The following LRRC3B variants were observed in gnomAD, a reference collection of about 807,000 sequenced individuals.
The protein encoded by LRRC3B is leucine rich repeat containing 3B.
LRRC3B carries 2 observed loss-of-function variants against 12.8 expected under a neutral mutation model. The ratio of observed to expected loss-of-function variants is 0.16; its 90% confidence interval spans 0.06 to 0.49. The LOEUF (loss-of-function observed/expected upper bound fraction) is 0.49, where lower values mean the gene tolerates loss of function less well. Ranked by LOEUF, LRRC3B falls within the 20% of genes least tolerant of loss-of-function variation. LRRC3B has a pLI of 0.96. For synonymous variants in LRRC3B, 132 were observed against 122.0 expected, an observed-to-expected ratio of 1.08 and a Z score of -0.54; for missense variants, 189 against 319.4, an observed-to-expected ratio of 0.59 and a Z score of 3.11.
At chr3:26,633,464 T>C (rs556355273) in intron 1 of LRRC3B, among the ~76,000 whole-genome samples, 9 of 152,298 alleles carry the variant, frequency 5.9e-5, no homozygotes, top group African/African-American at 1.9e-4. Context: ...CAAAATATTA[T>C]TGATTGCTTA....
intron 1 of LRRC3B, among the ~76,000 whole-genome samples, chr3:26,628,683 C>T (rs1698684736): frequency 6.6e-6 from 1 of 151,646 alleles, no homozygotes; most frequent in Non-Finnish European, 1.5e-5. Flanking sequence ...ATTAATACAT[C>T]TCAACATGAT....
intron 1 of LRRC3B, chr3:26,701,273 C>T (rs972408093): frequency 6.6e-6 from 1 of 152,080 alleles, no homozygotes; most frequent in African/African-American, 2.4e-5. Flanking sequence ...CTCTTCTCTG[C>T]CTTCCATTCC....
intron 1 of LRRC3B, among the ~76,000 whole-genome samples, chr3:26,684,922 A>G (rs1700042724): frequency 6.6e-6 from 1 of 151,596 alleles, no homozygotes; most frequent in African/African-American, 2.4e-5. Context: ...GCTTGCAGTC[A>G]CTCAAACACA....
rs1698718255 is a variant in LRRC3B, at chr3:26,629,939, G to A, written c.-161+6702G>A. 2.7e-5 allele frequency among the ~76,000 whole-genome samples: 4 copies of A among 147,816 alleles called. No individual in the cohort carries two copies. In the South Asian group the frequency reaches 8.5e-4, roughly 32 times the overall value. On this transcript the variant is annotated intron_variant, in intron 1 of 1. Coordinates refer to ENST00000396641, the Ensembl canonical transcript of LRRC3B. ...GCAGAGAAAGGTGGGAAAGGTGGGG[G>A]CAGGAGAGAAAGAGGTGTAAGAGAA...
chr3:26,678,478 A>T (rs1198251599), intron 1 of LRRC3B, among the ~76,000 whole-genome samples: 4 of 149,348 alleles, frequency 2.7e-5, no homozygotes, highest in Non-Finnish European at 4.4e-5. Context: ...TGGGTAACAG[A>T]TTGAGACCCT....
intron 1 of LRRC3B, among the ~76,000 whole-genome samples, chr3:26,707,122 C>CAGGT (rs1700612104): frequency 6.7e-6 from 1 of 150,118 alleles, no homozygotes; most frequent in Admixed American, 6.7e-5. Context: ...GGAGGCGAGG[C>CAGGT]AGGTAGATCA....
At chr3:26,685,802 G>A (rs1700076302) in intron 1 of LRRC3B, among the ~76,000 whole-genome samples, 1 of 151,748 alleles carries the variant, frequency 6.6e-6, no homozygotes, top group African/African-American at 2.4e-5. Context: ...TTCAGACTTG[G>A]GGTTTAAATA....
chr3:26,642,943 G>A (rs1699061734), intron 1 of LRRC3B, among the ~76,000 whole-genome samples: 1 of 150,226 alleles, frequency 6.7e-6, no homozygotes, highest in Non-Finnish European at 1.5e-5. Flanking sequence ...CCTGAACCCA[G>A]GAGGCAGAGG....
chr3:26,655,752 G>T (rs142834574), intron 1 of LRRC3B, among the ~76,000 whole-genome samples: 1 of 152,246 alleles, frequency 6.6e-6, no homozygotes, highest in East Asian at 1.9e-4. Context: ...TGACAGAAAT[G>T]CTCAGTAGTA....
chr3:26,710,077 C>G (rs750339961), exon 2 of LRRC3B: 30 of 1,613,990 alleles, frequency 1.9e-5, no homozygotes, highest in Non-Finnish European at 2.4e-5. Flanking sequence ...CCTTCAATAA[C>G]CTGAAGGCCA....
intron 1 of LRRC3B, among the ~76,000 whole-genome samples, chr3:26,637,390 G>A (rs79431804): frequency 0.034 from 5,195 of 152,194 alleles, 167 homozygotes; most frequent in East Asian, 0.13. Flanking sequence ...CAAATTCACC[G>A]TCAACTTCTA....
chr3:26,685,515 CTCTCTCTCTATATATATATA>C (rs1387708666), intron 1 of LRRC3B, among the ~76,000 whole-genome samples: 108 of 53,778 alleles, frequency 2.0e-3, no homozygotes, highest in African/African-American at 4.7e-3. Flanking sequence ...CTCTCTCTCT[CTCTCTCTCTATATATATATA>C]TATATATATA....
intron 1 of LRRC3B, among the ~76,000 whole-genome samples, chr3:26,626,426 G>A (rs1412987343): frequency 1.3e-5 from 2 of 152,072 alleles, no homozygotes; most frequent in African/African-American, 2.4e-5. Context: ...GAGCTAAGAG[G>A]GATCTCAGAT....
At chr3:26,662,829 A>G (rs73059354) in intron 1 of LRRC3B, among the ~76,000 whole-genome samples, 32,663 of 151,962 alleles carry the variant, frequency 0.21, 3,876 homozygotes, top group East Asian at 0.33. Context: ...AATAGACATT[A>G]TCATTATTTT....
intron 1 of LRRC3B, among the ~76,000 whole-genome samples, chr3:26,684,222 C>G (rs895116588): frequency 6.6e-5 from 10 of 152,182 alleles, no homozygotes; most frequent in Admixed American, 5.2e-4. Flanking sequence ...ATCCAAGGAA[C>G]CAGGGGTGAA....
At chr3:26,681,786 T>C (rs1261208200) in intron 1 of LRRC3B, among the ~76,000 whole-genome samples, 2 of 152,098 alleles carry the variant, frequency 1.3e-5, no homozygotes, top group Admixed American at 6.6e-5. Context: ...ACAAAAGTAT[T>C]TCTAAAATAA....
chr3:26,628,452 A>G (rs1242822615), intron 1 of LRRC3B, among the ~76,000 whole-genome samples: 8 of 149,596 alleles, frequency 5.3e-5, no homozygotes, highest in Non-Finnish European at 8.9e-5. Context: ...TCAGAGTAGG[A>G]CCTGAGAAGC....
At chr3:26,678,530 T>A (rs2125439394) in intron 1 of LRRC3B, among the ~76,000 whole-genome samples, 1 of 150,798 alleles carries the variant, frequency 6.6e-6, no homozygotes, top group East Asian at 1.9e-4. Flanking sequence ...GGATTCCTGG[T>A]CAGTGCTGAT....
intron 1 of LRRC3B, among the ~76,000 whole-genome samples, chr3:26,672,077 C>T (rs1033315946): frequency 5.3e-5 from 8 of 152,132 alleles, no homozygotes; most frequent in African/African-American, 1.7e-4. Flanking sequence ...CAGGCTTTAA[C>T]CATTTAAAGA....
Sources: gnomAD v4.1 joint callset for allele counts (sites outside exome capture counted in the v4.1 genomes callset) on GRCh38, gnomAD v4.1.1 for gene constraint, MANE v1.5 for transcripts, NCBI Gene and HGNC (gene_info 2026-07-23, HGNC 2026-07-21) for gene names.